VPS13D: variants seen among roughly 807,000 people sequenced by gnomAD.
VPS13D encodes intermembrane lipid transfer protein VPS13D.
VPS13D carries 187 observed loss-of-function variants against 461.9 expected under a neutral mutation model. The observed-to-expected ratio is 0.40, with a 90% CI of 0.36 to 0.46. VPS13D has a LOEUF of 0.46. Ranked by LOEUF, VPS13D falls within the 20% of genes least tolerant of loss-of-function variation. VPS13D has a pLI of 0.60. For synonymous variants in VPS13D, 1,951 were observed against 1,986.3 expected, an observed-to-expected ratio of 0.98 and a Z score of 0.47; for missense variants, 4,711 against 5,364.9, an observed-to-expected ratio of 0.88 and a Z score of 3.81.
rs979864751 is a variant in VPS13D, at chr1:12,279,711, A to T, written c.4602+61A>T. 1.0e-5 allele frequency: 13 copies of T among 1,302,636 alleles called. No homozygotes were observed. In the African/African-American group the frequency reaches 1.9e-4, roughly 19 times the overall value. 80.7% of individuals were successfully genotyped at this position (1,302,636 alleles called of 1,614,324 possible). ...TATATTAGTACTCTATAAATATGAT[A>T]TATATTTATGTATATTACATGTTGG... On this transcript the variant is annotated intron_variant, in intron 20 of 69. Coordinates refer to ENST00000620676, the MANE Select transcript of VPS13D (RefSeq NM_015378.4). This position sits in a 1 kb window ranked among gnomAD's most constrained non-coding sequence, Gnocchi z 4.3.
At chr1:12,313,419 C>T (rs1017834168) in intron 29 of VPS13D, among the ~76,000 whole-genome samples, 7 of 151,488 alleles carry the variant, frequency 4.6e-5, no homozygotes, top group Admixed American at 3.9e-4. Flanking sequence ...GTGATCCTCC[C>T]ACCTCAGCCC....
At chr1:12,493,482 C>CAAAAA (rs899634441) in intron 67 of VPS13D, among the ~76,000 whole-genome samples, 1 of 55,464 alleles carries the variant, frequency 1.8e-5, no homozygotes, top group Non-Finnish European at 3.7e-5. Context: ...GACTCCATCT[C>CAAAAA]AAAAAAAAAA....
chr1:12,362,588 T>C (rs1643967215), intron 50 of VPS13D, 132 bp from the exon 51 acceptor site: 1 of 884,682 alleles, frequency 1.1e-6, no homozygotes, highest in South Asian at 1.7e-5. Flanking sequence ...TCCTAGAAGG[T>C]TCAATATCCT....
At chr1:12,342,082 C>CT (rs1376388554) in intron 41 of VPS13D, among the ~76,000 whole-genome samples, 197 bp downstream of exon 41, 1 of 152,146 alleles carries the variant, frequency 6.6e-6, no homozygotes, top group Non-Finnish European at 1.5e-5. Flanking sequence ...GGTCCTGAGT[C>CT]TAATTATGAT....
chr1:12,354,134 G>A lies in VPS13D; in HGVS notation c.9592G>A (p.Val3198Ile). The change falls in exon 47 of 70, where the codon GTT (valine) becomes ATT (isoleucine). Residue 3198 changes from valine to isoleucine, a missense_variant. Val to Ile is a conservative substitution (Grantham distance 29). This residue lies in a region of VPS13D where 4,411 missense variants were observed against 4,937.8 expected (regional missense o/e 0.89). Coordinates refer to ENST00000620676, the MANE Select transcript of VPS13D (RefSeq NM_015378.4). ...NLLPCELDFYVKGMPINGTLK... is the reference protein window; with the variant it reads ...NLLPCELDFYIKGMPINGTLK... ...GCTACCCTGTGAACTTGATTTTTAT[G>A]TTAAAGGAATGCCAATTAATGGGAC... is the stretch of plus-strand genomic sequence containing the variant. 1 of 1,614,192 alleles carries A rather than the reference G, an allele frequency of 6.2e-7. No individual in the cohort carries two copies. Among genetic ancestry groups the A allele is most frequent in the South Asian group, 1.1e-5 (1 of 91,080 alleles).
At chr1:12,364,287 A>G (rs931036485) in intron 52 of VPS13D, among the ~76,000 whole-genome samples, 1 of 152,112 alleles carries the variant, frequency 6.6e-6, no homozygotes. Context: ...TACTCTAGGT[A>G]CCTCATGTGA....
At chr1:12,255,891 A>G (rs1365216838) in intron 7 of VPS13D, among the ~76,000 whole-genome samples, 5 of 149,710 alleles carry the variant, frequency 3.3e-5, no homozygotes, top group African/African-American at 1.2e-4. Context: ...CTCGTCTCAA[A>G]AAAAAAAAAA....
At chr1:12,394,077 C>T (rs1410609017) in intron 60 of VPS13D, among the ~76,000 whole-genome samples, 1 of 152,154 alleles carries the variant, frequency 6.6e-6, no homozygotes, top group African/African-American at 2.4e-5. Flanking sequence ...GGCTGGAGGT[C>T]TCCTTGGGAA....
At chr1:12,429,823 T>C (rs1205284386) in intron 65 of VPS13D, among the ~76,000 whole-genome samples, 1 of 152,138 alleles carries the variant, frequency 6.6e-6, no homozygotes, top group Non-Finnish European at 1.5e-5. Context: ...GCACTATTGA[T>C]TGGACCCAGG....
At chr1:12,341,911 G>T (rs768768836) in intron 41 of VPS13D, 26 bp downstream of exon 41, 1 of 1,608,166 alleles carries the variant, frequency 6.2e-7, no homozygotes, top group African/African-American at 1.3e-5. Context: ...ATATTACCCC[G>T]AGTCATCTCT....
At position 12,241,227 on chromosome 1, in the gene VPS13D, G is replaced by C. The variant is rs2101198613; in HGVS notation, c.98-1286G>C. The stretch of plus-strand genomic sequence containing the variant: ...CAAAGTGCTGGGATTACAGGGGTGA[G>C]CTGCCGCACCTGGCCTGAATTCTTC... On this transcript the variant is annotated intron_variant, in intron 2 of 69. Coordinates refer to ENST00000620676, the MANE Select transcript of VPS13D (RefSeq NM_015378.4). 2.0e-5 allele frequency among the ~76,000 whole-genome samples: 3 copies of C among 152,334 alleles called. 1 individual carries two copies. The South Asian group carries it at 6.2e-4, about 32-fold the overall frequency.
At chr1:12,393,873 A>G (rs1314179458) in intron 60 of VPS13D, among the ~76,000 whole-genome samples, 2 of 152,136 alleles carry the variant, frequency 1.3e-5, no homozygotes, top group East Asian at 3.9e-4. Context: ...CTGGGGACCC[A>G]CTGGACCCAC....
chr1:12,328,327 T>C (rs146225605), intron 36 of VPS13D, among the ~76,000 whole-genome samples: 22 of 151,342 alleles, frequency 1.5e-4, no homozygotes, highest in Non-Finnish European at 3.2e-4. Context: ...TGTCCTTTGC[T>C]AGAGTGGGGA....
Position 12,256,479 on chromosome 1 carries a change from G to C in VPS13D, c.816G>C (p.Glu272Asp). 3.1e-6 allele frequency: 5 copies of C among 1,614,058 alleles called. No homozygotes were observed. Among genetic ancestry groups the C allele is most frequent in the Non-Finnish European group, 3.4e-6 (4 of 1,180,002 alleles). ...GTATTGATTGTGATATTCAGCTGGA[G>C]ACCATTCCCTTGAAACTCTCTCAGG... ...SPRIDCDIQL[E>D]TIPLKLSQLQ... The change falls in exon 8 of 70, where the codon GAG becomes GAC. Residue 272 changes from glutamate (E) to aspartate (D), a missense_variant. Physicochemically the swap from Glu to Asp is conservative, Grantham distance 45. Around this residue, in one of 3 missense-constraint regions of VPS13D, gnomAD observed 4,411 missense variants for 4,937.8 expected, o/e 0.89. Coordinates refer to ENST00000620676, the MANE Select transcript of VPS13D (RefSeq NM_015378.4).
chr1:12,504,079 C>T (rs1488615286), intron 68 of VPS13D, among the ~76,000 whole-genome samples: 1 of 152,008 alleles, frequency 6.6e-6, no homozygotes, highest in Admixed American at 6.6e-5. Flanking sequence ...ATATGAGGCT[C>T]CATTAGATAA....
At position 12,293,700 on chromosome 1, in the gene VPS13D, A is replaced by G; in HGVS notation, c.6029A>G (p.Gln2010Arg). ...LGRQRAAIEG[Q>R]TVRDQAQRCS... ...CGCCAGCGAGCTGCTATTGAGGGGC[A>G]GACGGTAGGTAGCCTGGGCCCTCCA... The change falls in exon 24 of 70, where the codon CAG becomes CGG. Residue 2010 changes from glutamine to arginine, a missense_variant. Gln to Arg is a conservative substitution (Grantham distance 43). Around this residue, in one of 3 missense-constraint regions of VPS13D, gnomAD observed 4,411 missense variants for 4,937.8 expected, o/e 0.89. Coordinates refer to ENST00000620676, the MANE Select transcript of VPS13D (RefSeq NM_015378.4). 1.2e-6 allele frequency: 2 copies of G among 1,613,420 alleles called. No individual in the cohort carries two copies. The highest frequency in any genetic ancestry group is 1.7e-6 in the Non-Finnish European group (2 of 1,179,774).
chr1:12,320,596 G>A (rs186283919), intron 32 of VPS13D, among the ~76,000 whole-genome samples: 29 of 152,248 alleles, frequency 1.9e-4, no homozygotes, highest in East Asian at 1.2e-3. Flanking sequence ...AGAAACCTCC[G>A]TTTGAGAGGA....
rs1251752397 is a variant in VPS13D at position 12,403,955 on chromosome 1, G to C, written c.12012G>C (p.Lys4004Asn). 1 of 1,598,886 alleles carries C rather than the reference G, an allele frequency of 6.3e-7. No homozygotes were observed. The highest frequency in any genetic ancestry group is 1.4e-5 in the African/African-American group (1 of 73,900). The change falls in exon 63 of 70, where the codon AAG (lysine) becomes AAC (asparagine). Residue 4004 changes from lysine to asparagine, a missense_variant. Lys to Asn is a moderately conservative substitution (Grantham distance 94). Coordinates refer to ENST00000620676, the MANE Select transcript of VPS13D (RefSeq NM_015378.4). ...AGCTAAGTGTGTTCACCTCCAACAA[G>C]CTCCCATTGGATCTTAAGGTGAGCT... ...QIKLSVFTSN[K>N]LPLDLKALKS...
In VPS13D at chr1:12,261,983, G is replaced by A. The variant is rs1236199858; in HGVS notation, c.1497G>A (p.Leu499=). Residue 499 remains leucine (L), a synonymous_variant, in exon 13 of 70, where the codon CTG becomes CTA. Transcript: ENST00000620676. ...AGCGAGATCATGTCTTTGCCAAACT[G>A]AATTTGCAGTTGCAGCGAGGTACAG... ...YTKRDHVFAK[L]NLQLQRGTVT... is the part of the protein sequence containing the mutation. 63 of 1,614,052 alleles carry A rather than the reference G, an allele frequency of 3.9e-5. No homozygotes were observed. Among genetic ancestry groups the A allele is most frequent in the Non-Finnish European group, 5.2e-5 (61 of 1,180,024 alleles).
Sources: allele counts gnomAD v4.1 joint callset (sites outside exome capture counted in the v4.1 genomes callset), GRCh38; gene constraint gnomAD v4.1.1; regional missense constraint gnomAD v4.1.1; non-coding constraint Gnocchi (gnomAD v3.1); transcripts MANE v1.5; gene names NCBI Gene and HGNC (gene_info 2026-07-23, HGNC 2026-07-21).